Variants in GPC5 observed in about 807,000 individuals in gnomAD.
GPC5 encodes the protein glypican 5.
Under a neutral mutation model 53.9 loss-of-function variants are expected in GPC5, and 47 were observed. The observed-to-expected ratio is 0.87, with a 90% CI of 0.69 to 1.11. GPC5 has a LOEUF of 1.11. Ranked by LOEUF, GPC5 falls within the 50% of genes most tolerant of loss-of-function variation. The pLI, the probability that GPC5 is intolerant of heterozygous loss-of-function variation, is 0.00. For synonymous variants in GPC5, 286 were observed against 263.3 expected (o/e 1.09, Z -0.84); for missense variants, 748 against 713.1 (o/e 1.05, Z -0.56).
chr13:91,657,500 G>T (rs1268902676), intron 2 of GPC5, among the ~76,000 whole-genome samples: 1 of 152,044 alleles, frequency 6.6e-6, no homozygotes, highest in South Asian at 2.1e-4. Flanking sequence ...TATCTAATGG[G>T]TAGAGGCCAA....
chr13:92,779,097 C>A (rs1875927936), intron 7 of GPC5, among the ~76,000 whole-genome samples: 1 of 152,030 alleles, frequency 6.6e-6, no homozygotes, highest in Non-Finnish European at 1.5e-5. Context: ...ACTGGACTTA[C>A]AGTTCCACAT....
chr13:92,520,955 C>T (rs1258054014), intron 7 of GPC5, among the ~76,000 whole-genome samples: 1 of 152,134 alleles, frequency 6.6e-6, no homozygotes, highest in Non-Finnish European at 1.5e-5. Context: ...AATCAATGTG[C>T]AAAAATCACA....
intron 7 of GPC5, among the ~76,000 whole-genome samples, chr13:92,818,362 T>C (rs1877555404): frequency 2.0e-5 from 3 of 152,020 alleles, no homozygotes; most frequent in South Asian, 2.1e-4. Context: ...ACATGCTTTA[T>C]AAATAATTCT....
intron 7 of GPC5, among the ~76,000 whole-genome samples, chr13:92,466,115 A>G (rs1369090918): frequency 1.3e-5 from 2 of 152,024 alleles, no homozygotes; most frequent in Admixed American, 1.3e-4. Context: ...AGCCTGATTT[A>G]ATCACTCCAC....
At chr13:92,382,173 G>A (rs942354382) in intron 7 of GPC5, among the ~76,000 whole-genome samples, 8 of 151,790 alleles carry the variant, frequency 5.3e-5, no homozygotes, top group Non-Finnish European at 7.4e-5. Flanking sequence ...CTATGAGGAC[G>A]CAAAGGCATA....
At chr13:92,453,759 G>A (rs1038834896) in intron 7 of GPC5, among the ~76,000 whole-genome samples, 1 of 152,164 alleles carries the variant, frequency 6.6e-6, no homozygotes, top group Non-Finnish European at 1.5e-5. Context: ...AGGTGGAACT[G>A]TAACACCACA....
Position 92,787,667 on chromosome 13 carries a change from C to CAA in GPC5, c.1562-78600_1562-78599dup, listed in dbSNP as rs71202562. On this transcript the variant is annotated intron_variant, in intron 7 of 7. Coordinates refer to ENST00000377067, the MANE Select transcript of GPC5 (RefSeq NM_004466.6). ...GGGCAACAGAGAGACCTCATAGCTACAAAAAAAAAAAAAAAAGAAAAGAAA... is the reference window on the plus strand; with the variant it reads ...GGGCAACAGAGAGACCTCATAGCTACAAAAAAAAAAAAAAAAAAGAAAAGAAA... 4.3e-3 allele frequency among the ~76,000 whole-genome samples: 239 copies of CAA among 56,228 alleles called. 6 individuals carry two copies. Among genetic ancestry groups the CAA allele is most frequent in the African/African-American group, 0.01 (143 of 14,048 alleles). 36.9% of individuals were successfully genotyped at this position (56,228 alleles called of 152,430 possible).
chr13:91,693,575 C>A lies in GPC5; in HGVS notation c.714C>A (p.Thr238=). 6.2e-7 allele frequency: 1 copy of A among 1,614,058 alleles called. No individual in the cohort carries two copies. The highest frequency in any genetic ancestry group is 8.5e-7 in the Non-Finnish European group (1 of 1,180,002). The change falls in exon 3 of 8, where the codon ACC becomes ACA. Residue 238 remains threonine, a synonymous_variant. Coordinates refer to ENST00000377067, the MANE Select transcript of GPC5 (RefSeq NM_004466.6). The part of the protein sequence containing the change: ...ALNLGIEVIN[T]TDYLHFSKEC... Reference sequence around the variant, plus strand: ...ATCTGGGCATTGAAGTCATCAACACCACAGACTATCTGCACTTCTCCAAAG... The same window carrying A: ...ATCTGGGCATTGAAGTCATCAACACAACAGACTATCTGCACTTCTCCAAAG...
chr13:92,012,752 C>T (rs1222751217), intron 6 of GPC5, among the ~76,000 whole-genome samples: 1 of 152,184 alleles, frequency 6.6e-6, no homozygotes, highest in East Asian at 1.9e-4. Flanking sequence ...TCTAAGTTTA[C>T]ATTTTATTAT....
At chr13:92,775,266 G>A (rs775256388) in intron 7 of GPC5, among the ~76,000 whole-genome samples, 24 of 152,094 alleles carry the variant, frequency 1.6e-4, no homozygotes, top group Admixed American at 3.3e-4. Context: ...TGAAAAACAC[G>A]AAGTGTAATT....
chr13:91,771,263 CTA>C (rs1171134192), intron 5 of GPC5, among the ~76,000 whole-genome samples: 1 of 152,096 alleles, frequency 6.6e-6, no homozygotes, highest in African/African-American at 2.4e-5. Flanking sequence ...AATCAAATAA[CTA>C]TTTTTTCACT....
intron 1 of GPC5, among the ~76,000 whole-genome samples, chr13:91,420,900 G>C (rs57211486): frequency 0.12 from 18,145 of 152,160 alleles, 1,953 homozygotes; most frequent in African/African-American, 0.29. Context: ...AATTAAACTT[G>C]TTTCCTTTAT....
chr13:92,198,897 T>C (rs923495329), intron 7 of GPC5, among the ~76,000 whole-genome samples: 2 of 152,172 alleles, frequency 1.3e-5, no homozygotes, highest in Admixed American at 6.5e-5. Context: ...ATTAATTCCA[T>C]ACTCAAATTG....
At chr13:92,691,836 A>G (rs1013906780) in intron 7 of GPC5, among the ~76,000 whole-genome samples, 2 of 151,588 alleles carry the variant, frequency 1.3e-5, no homozygotes, top group Non-Finnish European at 2.9e-5. Flanking sequence ...TTACAGTTTT[A>G]CACCTTCAAT....
chr13:92,849,854 A>C (rs1878733434), intron 7 of GPC5, among the ~76,000 whole-genome samples: 1 of 152,254 alleles, frequency 6.6e-6, no homozygotes, highest in Non-Finnish European at 1.5e-5. Context: ...TTTTAATCAC[A>C]ATAGTCTTCA....
rs537921451 is a variant in GPC5 at position 92,619,204 on chromosome 13, C to T, written c.1562-247078C>T. Among the ~76,000 whole-genome samples, 36 of 151,948 alleles carry T rather than the reference C, an allele frequency of 2.4e-4. No individual in the cohort carries two copies. The South Asian group carries it at 7.5e-3, about 32-fold the overall frequency. On this transcript the variant is annotated intron_variant, in intron 7 of 7. Transcript: ENST00000377067. ...AGATAATTTTCTGAGAAATAAGAGT[C>T]AAGATTAGTTCTAACAAATTAATAA... is the stretch of plus-strand genomic sequence containing the variant.
rs936599087 is a variant in GPC5 at position 92,778,966 on chromosome 13, T to C, written c.1562-87316T>C. ...CTTGTGTATGAATATGTGCAAGATA[T>C]ACACACACACACACACACACACATA... On this transcript the variant is annotated intron_variant, in intron 7 of 7. Transcript: ENST00000377067. Among the ~76,000 whole-genome samples the C allele has an allele frequency of 5.8e-4, 86 of 149,414 alleles. No individual in the cohort carries two copies. The South Asian group carries it at 8.5e-3, about 15-fold the overall frequency.
intron 7 of GPC5, among the ~76,000 whole-genome samples, chr13:92,176,021 A>G (rs909734654): frequency 1.3e-5 from 2 of 152,198 alleles, no homozygotes; most frequent in Admixed American, 1.3e-4. Flanking sequence ...CTTTACCATT[A>G]TCATGAAGTT....
At chr13:91,787,077 T>C (rs2037891614) in intron 5 of GPC5, among the ~76,000 whole-genome samples, 2 of 152,130 alleles carry the variant, frequency 1.3e-5, no homozygotes, top group Non-Finnish European at 2.9e-5. Context: ...AAGTTTCTAA[T>C]TAGTTTTAAT....
Sources: gnomAD v4.1 joint callset for allele counts (sites outside exome capture counted in the v4.1 genomes callset) on GRCh38, gnomAD v4.1.1 for gene constraint, MANE v1.5 for transcripts, NCBI Gene and HGNC (gene_info 2026-07-23, HGNC 2026-07-21) for gene names.